OSBP2: variants seen among roughly 807,000 people sequenced by gnomAD.
OSBP2 encodes oxysterol binding protein 2, also known as oxysterol-binding protein 2.
In OSBP2, 66 loss-of-function variants were observed where a neutral mutation model predicts 96.0. The ratio of observed to expected loss-of-function variants is 0.69; its 90% CI spans 0.56 to 0.84. The LOEUF is 0.84. Among genes scored for constraint, OSBP2 ranks in the 40% least tolerant of loss-of-function variants. OSBP2 has a pLI of 0.00. For missense variants in OSBP2, 1,038 were observed against 1,222.7 expected, an observed-to-expected ratio of 0.85 and a Z score of 2.25; for synonymous variants, 525 against 520.9, an observed-to-expected ratio of 1.01 and a Z score of -0.11.
chr22:30,879,731 C>A (rs1465024244), intron 3 of OSBP2, among the ~76,000 whole-genome samples: 2 of 152,204 alleles, frequency 1.3e-5, no homozygotes, highest in Non-Finnish European at 2.9e-5. Context: ...TGTGAGGCAC[C>A]TGCTGAGCTT....
intron 2 of OSBP2, among the ~76,000 whole-genome samples, chr22:30,785,465 G>A (rs962125681): frequency 1.3e-5 from 2 of 151,482 alleles, no homozygotes; most frequent in Non-Finnish European, 2.9e-5. Context: ...TACTCAGGAA[G>A]CTGAGGAAAG....
At chr22:30,822,398 A>T in intron 2 of OSBP2, 1 of 744,998 alleles carries the variant, frequency 1.3e-6, no homozygotes, top group Non-Finnish European at 1.9e-6. Context: ...AGGAAGTGGT[A>T]GGCAGCACCG....
chr22:30,901,512 A>G (rs2040193169), intron 12 of OSBP2, among the ~76,000 whole-genome samples: 1 of 152,250 alleles, frequency 6.6e-6, no homozygotes, highest in Non-Finnish European at 1.5e-5. Flanking sequence ...TAGAGCTACA[A>G]TATCTCTGAT....
chr22:30,876,599 G>A (rs2039585328), intron 3 of OSBP2, among the ~76,000 whole-genome samples: 2 of 152,340 alleles, frequency 1.3e-5, no homozygotes, highest in South Asian at 2.1e-4. Flanking sequence ...GTCCCTGGTT[G>A]CGTCTTCCTG....
intron 2 of OSBP2, among the ~76,000 whole-genome samples, chr22:30,772,954 C>T (rs1056178618): frequency 4.0e-5 from 6 of 150,918 alleles, no homozygotes; most frequent in Non-Finnish European, 7.4e-5. Flanking sequence ...CCACCATGCC[C>T]GGCTAATTTT....
chr22:30,712,845 T>C (rs1203821548), intron 1 of OSBP2, among the ~76,000 whole-genome samples: 1 of 152,146 alleles, frequency 6.6e-6, no homozygotes, highest in Non-Finnish European at 1.5e-5. Flanking sequence ...GCCCTCTATG[T>C]GCCAGGCCTG....
At chr22:30,837,927 G>C (rs1483307688) in intron 2 of OSBP2, among the ~76,000 whole-genome samples, 1 of 152,228 alleles carries the variant, frequency 6.6e-6, no homozygotes, top group African/African-American at 2.4e-5. Flanking sequence ...TTTTGTGAAA[G>C]AGCATCATCG....
chr22:30,754,245 G>C (rs150966494), intron 2 of OSBP2, among the ~76,000 whole-genome samples: 6 of 152,284 alleles, frequency 3.9e-5, no homozygotes, highest in African/African-American at 1.4e-4. Context: ...TCTGTTTATA[G>C]TTCCTGTTTA....
At chr22:30,779,479 A>T (rs1433975812) in intron 2 of OSBP2, among the ~76,000 whole-genome samples, 2 of 152,152 alleles carry the variant, frequency 1.3e-5, no homozygotes, top group Non-Finnish European at 2.9e-5. Flanking sequence ...TATAAAATCT[A>T]TAAACCATTA....
intron 2 of OSBP2, among the ~76,000 whole-genome samples, chr22:30,838,932 C>G (rs375229911): frequency 6.7e-6 from 1 of 150,348 alleles, no homozygotes; most frequent in Non-Finnish European, 1.5e-5. Flanking sequence ...GTGTGCTGCA[C>G]CCATTAACTC....
intron 12 of OSBP2, chr22:30,902,711 C>A: frequency 2.0e-6 from 1 of 498,578 alleles, no homozygotes; most frequent in Non-Finnish European, 3.9e-6. Flanking sequence ...AATGAAGTAG[C>A]CGATCCCAAC....
chr22:30,722,256 A>G (rs1384910576), intron 1 of OSBP2, among the ~76,000 whole-genome samples: 2 of 152,242 alleles, frequency 1.3e-5, no homozygotes, highest in East Asian at 3.8e-4. Context: ...GAAGATTTAA[A>G]CAATACTTAC....
intron 2 of OSBP2, among the ~76,000 whole-genome samples, chr22:30,778,334 C>CACACA (rs61172908): frequency 6.6e-6 from 1 of 150,934 alleles, no homozygotes; most frequent in African/African-American, 2.4e-5. Context: ...CACACACACA[C>CACACA]CCACTGACAG....
chr22:30,815,319 C>T (rs2091069710), intron 2 of OSBP2, among the ~76,000 whole-genome samples: 1 of 152,090 alleles, frequency 6.6e-6, no homozygotes, highest in South Asian at 2.1e-4. Flanking sequence ...CTTTGGGCTC[C>T]ACTACCCTGA....
intron 2 of OSBP2, among the ~76,000 whole-genome samples, chr22:30,806,582 A>G (rs996222226): frequency 6.6e-6 from 1 of 152,228 alleles, no homozygotes; most frequent in African/African-American, 2.4e-5. Context: ...CTTGAGGCCC[A>G]GAGAGGAAAT....
intron 2 of OSBP2, among the ~76,000 whole-genome samples, chr22:30,808,334 C>T (rs1056315626): frequency 6.6e-6 from 1 of 151,966 alleles, no homozygotes. Flanking sequence ...GATCCTGTCT[C>T]TACAAAAAAT....
intron 5 of OSBP2, 116 bp from the exon 6 acceptor site, chr22:30,889,061 C>T (rs1253890847): frequency 2.4e-6 from 2 of 832,814 alleles, no homozygotes; most frequent in African/African-American, 3.4e-5. Flanking sequence ...GAACACACGG[C>T]AGTGACCAGG....
At chr22:30,708,964 G>A (rs1201744000) in intron 1 of OSBP2, among the ~76,000 whole-genome samples, 1 of 151,774 alleles carries the variant, frequency 6.6e-6, no homozygotes, top group East Asian at 2.0e-4. Context: ...GCCGGGTATG[G>A]TGGTGGGTGC....
intron 2 of OSBP2, among the ~76,000 whole-genome samples, chr22:30,865,913 G>C (rs2039327883): frequency 6.6e-6 from 1 of 152,204 alleles, no homozygotes; most frequent in African/African-American, 2.4e-5. Context: ...AGACAGCCTG[G>C]TCAGGAAGGC....
Sources: allele counts gnomAD v4.1 joint callset (sites outside exome capture counted in the v4.1 genomes callset), GRCh38; gene constraint gnomAD v4.1.1; transcripts MANE v1.5; gene names NCBI Gene and HGNC (gene_info 2026-07-23, HGNC 2026-07-21).